The following DIAPH2 variants were observed in gnomAD, a reference collection of about 807,000 sequenced individuals.
DIAPH2 encodes protein diaphanous homolog 2.
A neutral mutation model predicts 92.7 loss-of-function variants in DIAPH2; 35 were observed. The observed-to-expected ratio is 0.38, with a 90% CI of 0.29 to 0.50. DIAPH2 has a LOEUF of 0.50. Ranked by LOEUF, DIAPH2 falls within the 20% of genes least tolerant of loss-of-function variation. The pLI is 0.94. For missense variants in DIAPH2, 701 were observed against 819.5 expected (o/e 0.86, Z 1.77); for synonymous variants, 301 against 280.4 (o/e 1.07, Z -0.73).
intron 4 of DIAPH2, among the ~76,000 whole-genome samples, chrX:96,779,482 T>G (rs1389504919): frequency 8.9e-6 from 1 of 112,277 alleles, no homozygotes; most frequent in Admixed American, 9.5e-5. Flanking sequence ...ATGTCTGATG[T>G]GATACATTTA....
At chrX:97,198,078 C>T (rs1255279707) in intron 22 of DIAPH2, among the ~76,000 whole-genome samples, 1 of 110,316 alleles carries the variant, frequency 9.1e-6, no homozygotes, top group Non-Finnish European at 1.9e-5. Flanking sequence ...TTGTTTCTTT[C>T]AAAAGACAAG....
In DIAPH2 at chrX:97,099,558, G is replaced by A. The variant is rs141929049; in HGVS notation, c.2248-136G>A. On this transcript the variant is annotated intron_variant, in intron 19 of 26. Transcript: ENST00000324765. ...GTCAAATTTTGGAGGGGCGGGGAAGGGCGGATACTCTGGTACCATAACAGA... is the reference window on the plus strand; with the variant it reads ...GTCAAATTTTGGAGGGGCGGGGAAGAGCGGATACTCTGGTACCATAACAGA... The A allele has an allele frequency of 8.0e-3, 2,783 of 349,198 alleles. 15 individuals carry two copies. The highest frequency in any genetic ancestry group is 0.011 in the Non-Finnish European group (2,226 of 208,652). 28.8% of individuals were successfully genotyped at this position (349,198 alleles called of 1,213,427 possible). A position where few individuals can be genotyped will look rare whatever the true frequency, so the allele number is the denominator to read the frequency against.
chrX:97,363,747 A>T lies in DIAPH2; in HGVS notation c.3009+15467A>T, dbSNP rs140467984. 4.3e-3 allele frequency among the ~76,000 whole-genome samples: 465 copies of T among 108,942 alleles called. 3 individuals carry two copies. Among genetic ancestry groups the T allele is most frequent in the African/African-American group, 0.014 (409 of 29,964 alleles). 94.6% of individuals were successfully genotyped at this position (108,942 alleles called of 115,157 possible). Reference sequence around the variant, plus strand: ...CTACTTCTTCCTCAAGGGAACTCGGATATCTTATTTAAGAAGATAGACAAT... The same window carrying T: ...CTACTTCTTCCTCAAGGGAACTCGGTTATCTTATTTAAGAAGATAGACAAT... On this transcript the variant is annotated intron_variant, in intron 24 of 26. Coordinates refer to ENST00000324765, the MANE Select transcript of DIAPH2 (RefSeq NM_006729.5).
intron 17 of DIAPH2, among the ~76,000 whole-genome samples, chrX:97,027,950 G>T (rs1250259434): frequency 1.8e-5 from 2 of 111,963 alleles, no homozygotes; most frequent in East Asian, 5.6e-4. Context: ...AGCAATAATA[G>T]GAAAAGTTAT....
At chrX:97,536,821 C>A (rs989468929) in intron 26 of DIAPH2, among the ~76,000 whole-genome samples, 8 of 110,934 alleles carry the variant, frequency 7.2e-5, no homozygotes, top group African/African-American at 2.6e-4. Flanking sequence ...AAAAATTATA[C>A]GAAATTGTAC....
At chrX:97,080,456 A>G (rs772294507) in intron 19 of DIAPH2, among the ~76,000 whole-genome samples, 2 of 108,875 alleles carry the variant, frequency 1.8e-5, no homozygotes, top group African/African-American at 6.7e-5. Flanking sequence ...GCTTGCTTCT[A>G]TCCCCCACAA....
chrX:96,737,005 A>C (rs1602465266), intron 2 of DIAPH2, among the ~76,000 whole-genome samples: 1 of 112,041 alleles, frequency 8.9e-6, no homozygotes, highest in Non-Finnish European at 1.9e-5. Flanking sequence ...AAGATATACT[A>C]TATAACTAAA....
chrX:97,373,073 T>C (rs2069463735), intron 24 of DIAPH2, among the ~76,000 whole-genome samples: 1 of 112,168 alleles, frequency 8.9e-6, no homozygotes, highest in South Asian at 3.7e-4. Context: ...ATTAGAACAC[T>C]TCTTTTAACT....
intron 4 of DIAPH2, among the ~76,000 whole-genome samples, chrX:96,852,032 A>C (rs1034945193): frequency 3.6e-5 from 4 of 112,168 alleles, no homozygotes; most frequent in African/African-American, 9.7e-5. Flanking sequence ...AATGAGTTCA[A>C]AATGTATATT....
intron 26 of DIAPH2, among the ~76,000 whole-genome samples, chrX:97,515,102 C>A (rs1237326679): frequency 1.8e-5 from 2 of 112,193 alleles, no homozygotes; most frequent in African/African-American, 6.5e-5. Context: ...GGCGCCCCTC[C>A]CCCAGCCTCG....
intron 25 of DIAPH2, among the ~76,000 whole-genome samples, chrX:97,415,154 T>C (rs1456188073): frequency 8.9e-6 from 1 of 112,327 alleles, no homozygotes; most frequent in African/African-American, 3.2e-5. Context: ...CACAGTGAGA[T>C]ACCGTCTCAC....
intron 1 of DIAPH2, among the ~76,000 whole-genome samples, chrX:96,707,271 C>T (rs755533226): frequency 2.8e-5 from 3 of 108,956 alleles, no homozygotes; most frequent in East Asian, 3.0e-4. Flanking sequence ...GGGGCTCAAG[C>T]GATTCTCATG....
chrX:97,453,955 C>T (rs868331721), intron 26 of DIAPH2: 1 of 111,679 alleles, frequency 9.0e-6, no homozygotes, highest in Admixed American at 9.5e-5. Flanking sequence ...TCTGAAAGTC[C>T]ACTCTTCCAG....
Position 97,232,003 on chromosome X carries a change from G to A in DIAPH2, c.2720-15712G>A, listed in dbSNP as rs183155426. Among the ~76,000 whole-genome samples the A allele has an allele frequency of 6.3e-5, 7 of 110,727 alleles. No homozygotes were observed. In the East Asian group the frequency reaches 1.4e-3, roughly 23 times the overall value. ...AAAATGATGCCTCAATATACAACTTGGCTTCAAAGATCCTTAGCCTTGATT... is the reference window on the plus strand; with the variant it reads ...AAAATGATGCCTCAATATACAACTTAGCTTCAAAGATCCTTAGCCTTGATT... On this transcript the variant is annotated intron_variant, in intron 22 of 26. Coordinates refer to ENST00000324765, the MANE Select transcript of DIAPH2 (RefSeq NM_006729.5).
chrX:97,099,550 C>G (rs928538070), intron 19 of DIAPH2, 144 bp from the exon 20 acceptor site: 1 of 326,921 alleles, frequency 3.1e-6, no homozygotes, highest in Non-Finnish European at 5.2e-6. Context: ...TTTGGAGGGG[C>G]GGGGAAGGGC....
Position 97,359,450 on chromosome X carries a change from G to A in DIAPH2, c.3009+11170G>A, listed in dbSNP as rs186233657. Among the ~76,000 whole-genome samples, 9 of 109,315 alleles carry A rather than the reference G, an allele frequency of 8.2e-5. No individual in the cohort carries two copies. In the East Asian group the frequency reaches 2.0e-3, roughly 24 times the overall value. The allele number at this position is 109,315 out of a possible 115,157, so 94.9% of individuals were successfully genotyped here. A position where few individuals can be genotyped will look rare whatever the true frequency, so the allele number is the denominator to read the frequency against. ...TCCTATATATGTCCTATATATGTGT[G>A]TGTGTGTGCGTGTGTGTATTTTTTT... is the stretch of plus-strand genomic sequence containing the variant. On this transcript the variant is annotated intron_variant, in intron 24 of 26. Coordinates refer to ENST00000324765, the MANE Select transcript of DIAPH2 (RefSeq NM_006729.5).
chrX:97,298,383 C>T (rs182654902), intron 23 of DIAPH2, among the ~76,000 whole-genome samples: 2 of 106,533 alleles, frequency 1.9e-5, no homozygotes, highest in Non-Finnish European at 3.8e-5. Context: ...TGAATCTACT[C>T]TATGATAAGT....
intron 25 of DIAPH2, among the ~76,000 whole-genome samples, chrX:97,412,826 C>T (rs1294537608): frequency 3.6e-5 from 4 of 111,970 alleles, no homozygotes; most frequent in Admixed American, 9.4e-5. Context: ...AATTCCTGGA[C>T]ACATACACCA....
Position 96,761,451 on chromosome X carries a change from A to G in DIAPH2, c.447+3193A>G, listed in dbSNP as rs751578985. Among the ~76,000 whole-genome samples, 7 of 109,797 alleles carry G rather than the reference A, an allele frequency of 6.4e-5. No individual in the cohort carries two copies. The East Asian group carries it at 2.0e-3, about 31-fold the overall frequency. On this transcript the variant is annotated intron_variant, in intron 4 of 26. Coordinates refer to ENST00000324765, the MANE Select transcript of DIAPH2 (RefSeq NM_006729.5). ...ATAATGAGTAGTTAAAAGTTGCAGT[A>G]TATCTATATGTGTATGTGTATACAT...
Sources: allele counts gnomAD v4.1 joint callset (sites outside exome capture counted in the v4.1 genomes callset), GRCh38; gene constraint gnomAD v4.1.1; transcripts MANE v1.5; gene names NCBI Gene and HGNC (gene_info 2026-07-23, HGNC 2026-07-21).